Variants in MAK16 observed in about 807,000 individuals in gnomAD.
MAK16 encodes MAK16 homolog, also known as protein MAK16 homolog.
In MAK16, 12 loss-of-function variants were observed where a neutral mutation model predicts 49.9. That is an observed-to-expected ratio of 0.24 (90% CI 0.15 to 0.39). The LOEUF is 0.39. MAK16 is among the 10% of genes least tolerant of loss of function. The pLI, the probability that MAK16 is intolerant of heterozygous loss-of-function variation, is 1.00. For missense variants in MAK16, 292 were observed against 363.7 expected, an observed-to-expected ratio of 0.80 and a Z score of 1.60; for synonymous variants, 115 against 126.4, an observed-to-expected ratio of 0.91 and a Z score of 0.60.
At position 33,498,911 on chromosome 8, in the gene MAK16, G is replaced by A. The variant is rs953018557; in HGVS notation, c.*282G>A. ...GTTCTTGAATCTGGGATGAGATGACGGATGTAAATATTTCTAAATTTTAAA... is the reference window on the plus strand; with the variant it reads ...GTTCTTGAATCTGGGATGAGATGACAGATGTAAATATTTCTAAATTTTAAA... On this transcript the variant is annotated 3_prime_UTR_variant, in exon 10 of 10. Transcript: ENST00000360128. 8.0e-5 allele frequency: 46 copies of A among 574,328 alleles called. 1 individual carries two copies. In the South Asian group the frequency reaches 9.7e-4, roughly 12 times the overall value. 35.6% of individuals were successfully genotyped at this position (574,328 alleles called of 1,614,324 possible).
At chr8:33,485,273 C>T in intron 1 of MAK16, 52 bp downstream of exon 1, 1 of 1,613,350 alleles carries the variant, frequency 6.2e-7, no homozygotes. Flanking sequence ...GGGAATTTTG[C>T]CCATTTTCGG....
At chr8:33,497,168 C>A in intron 8 of MAK16, 64 bp from the exon 9 acceptor site, 1 of 1,193,040 alleles carries the variant, frequency 8.4e-7, no homozygotes, top group Non-Finnish European at 1.2e-6. Flanking sequence ...TTTGTACTTA[C>A]TTAGATGTCT....
chr8:33,488,741 C>T lies in MAK16; in HGVS notation c.183C>T (p.Cys61=). 6.2e-7 allele frequency: 1 copy of T among 1,614,130 alleles called. No individual in the cohort carries two copies. Among genetic ancestry groups the T allele is most frequent in the East Asian group, 2.2e-5 (1 of 44,888 alleles). ...YATIKEEKGQ[C]YLYMKVIERA... Reference sequence around the variant, plus strand: ...ATTTTACTTTATCTTCAGGACAGTGCTACTTGTATATGAAGGTTATAGAAC... The same window carrying T: ...ATTTTACTTTATCTTCAGGACAGTGTTACTTGTATATGAAGGTTATAGAAC... Residue 61 remains cysteine (C), a synonymous_variant, in exon 4 of 10, where the codon TGC becomes TGT. Transcript: ENST00000360128.
intron 1 of MAK16, among the ~76,000 whole-genome samples, chr8:33,487,379 A>G (rs796465725): frequency 1.5e-4 from 23 of 152,322 alleles, no homozygotes; most frequent in African/African-American, 5.3e-4. Flanking sequence ...TTTGCCCTCA[A>G]TGAGATAAAA....
At chr8:33,485,266 A>C (rs763414782) in intron 1 of MAK16, 45 bp downstream of exon 1, 3 of 1,613,820 alleles carry the variant, frequency 1.9e-6, no homozygotes, top group Non-Finnish European at 2.5e-6. Flanking sequence ...TTGCGCAGGG[A>C]ATTTTGCCCA....
intron 6 of MAK16, among the ~76,000 whole-genome samples, chr8:33,490,648 C>T (rs1945671064): frequency 6.6e-6 from 1 of 152,148 alleles, no homozygotes; most frequent in African/African-American, 2.4e-5. Context: ...TTACATACTA[C>T]ATAAAACCTT....
intron 6 of MAK16, among the ~76,000 whole-genome samples, chr8:33,492,565 T>C (rs1808794012): frequency 6.6e-6 from 1 of 152,218 alleles, no homozygotes; most frequent in Non-Finnish European, 1.5e-5. Flanking sequence ...TTTGGTTTGA[T>C]TTTTGTATAT....
At chr8:33,495,158 T>C (rs1563347395) in intron 6 of MAK16, among the ~76,000 whole-genome samples, 1 of 152,126 alleles carries the variant, frequency 6.6e-6, no homozygotes, top group Non-Finnish European at 1.5e-5. Context: ...TCTAGCATGA[T>C]TTTAGAAAAT....
At position 33,498,943 on chromosome 8, in the gene MAK16, A is replaced by G; in HGVS notation, c.*314A>G. 1 of 588,724 alleles carries G rather than the reference A, an allele frequency of 1.7e-6. No individual in the cohort carries two copies. The highest frequency in any genetic ancestry group is 3.1e-5 in the Admixed American group (1 of 32,702). The allele number at this position is 588,724 out of a possible 1,614,324, so 36.5% of individuals were successfully genotyped here. A position where few individuals can be genotyped will look rare whatever the true frequency, so the allele number is the denominator to read the frequency against. ...AATATTTCTAAATTTTAAATGCTACATTACTTGGTGTCCTTTTTTCTCCCA... is the reference window on the plus strand; with the variant it reads ...AATATTTCTAAATTTTAAATGCTACGTTACTTGGTGTCCTTTTTTCTCCCA... On this transcript the variant is annotated 3_prime_UTR_variant, in exon 10 of 10. Coordinates refer to ENST00000360128, the MANE Select transcript of MAK16 (RefSeq NM_032509.4).
Position 33,498,868 on chromosome 8 carries a change from G to A in MAK16, c.*239G>A, listed in dbSNP as rs1156710453. 3 of 582,630 alleles carry A rather than the reference G, an allele frequency of 5.1e-6. No homozygotes were observed. The highest frequency in any genetic ancestry group is 4.4e-5 in the South Asian group (2 of 45,644). 36.1% of individuals were successfully genotyped at this position (582,630 alleles called of 1,614,324 possible). A position where few individuals can be genotyped will look rare whatever the true frequency, so the allele number is the denominator to read the frequency against. On this transcript the variant is annotated 3_prime_UTR_variant, in exon 10 of 10. Transcript: ENST00000360128. ...TGTGTTGAAGTAACAGCTTGTGCCC[G>A]AGAAACTTAACAGATGAGTTCTTGA...
At chr8:33,491,499 GT>G (rs1808778237) in intron 6 of MAK16, among the ~76,000 whole-genome samples, 1 of 151,912 alleles carries the variant, frequency 6.6e-6, no homozygotes, top group Admixed American at 6.6e-5. Flanking sequence ...ATATTTCATT[GT>G]TTTGATTTGC....
rs1188075071 is a variant in MAK16 at position 33,489,127 on chromosome 8, C to A, written c.380C>A (p.Thr127Lys). ...TQYLIRIRKL[T>K]LKRQRKLVPL... is the part of the protein sequence containing the mutation. ...TACCTAATTCGAATTAGAAAACTTA[C>A]ACTAAAGCGACAGTAAGTATTTGGA... Residue 127 changes from threonine (T) to lysine (K), a missense_variant, in exon 5 of 10, where the codon ACA becomes AAA. By Grantham distance (78) the Thr-to-Lys change is moderately conservative. Transcript: ENST00000360128. The surrounding 1 kb of genome is among the most constrained non-coding windows in gnomAD (Gnocchi z 4.2). 1.2e-6 allele frequency: 2 copies of A among 1,612,514 alleles called. No individual in the cohort carries two copies. Among genetic ancestry groups the A allele is most frequent in the Non-Finnish European group, 1.7e-6 (2 of 1,178,926 alleles).
In MAK16 at chr8:33,485,470, C is replaced by A. The variant is rs1467127248; in HGVS notation, c.15+249C>A. The A allele has an allele frequency of 3.6e-5, 21 of 578,168 alleles. No individual in the cohort carries two copies. The Admixed American group carries it at 6.0e-4, about 17-fold the overall frequency. 35.8% of individuals were successfully genotyped at this position (578,168 alleles called of 1,614,324 possible). A position where few individuals can be genotyped will look rare whatever the true frequency, so the allele number is the denominator to read the frequency against. On this transcript the variant is annotated intron_variant, in intron 1 of 9. Transcript: ENST00000360128. ...AGCCCATGGGGTCGATGTGTCCCGT[C>A]CTTCGTGCCTACCAATGCAGGACGT...
In MAK16 at chr8:33,487,248, T is replaced by C. The variant is rs541315660; in HGVS notation, c.16-1130T>C. On this transcript the variant is annotated intron_variant, in intron 1 of 9. Transcript: ENST00000360128. ...AGTATACTTTCTTTCATTCAGCAAA[T>C]ACTTAAGTGGCTACTGTGTGTCAGG... Among the ~76,000 whole-genome samples, 7 of 152,306 alleles carry C rather than the reference T, an allele frequency of 4.6e-5. 1 individual carries two copies. The South Asian group carries it at 1.4e-3, about 32-fold the overall frequency.
chr8:33,496,661 G>T lies in MAK16; in HGVS notation c.559G>T (p.Asp187Tyr), dbSNP rs752937894. Reference protein sequence around the residue: ...DIYNFPIHAFDKALEQQEAES... With the variant: ...DIYNFPIHAFYKALEQQEAES... ...CTACAACTTCCCCATTCATGCCTTC[G>T]ACAAAGCCCTGGAACAACAGGAGGC... is the stretch of plus-strand genomic sequence containing the variant. The change falls in exon 8 of 10, where the codon GAC becomes TAC. Residue 187 changes from aspartate to tyrosine, a missense_variant. Coordinates refer to ENST00000360128, the MANE Select transcript of MAK16 (RefSeq NM_032509.4). The T allele has an allele frequency of 6.2e-7, 1 of 1,612,954 alleles. No homozygotes were observed. Among genetic ancestry groups the T allele is most frequent in the South Asian group, 1.1e-5 (1 of 90,950 alleles).
In MAK16 at chr8:33,498,421, C is replaced by T. The variant is rs1442972279; in HGVS notation, c.706-11C>T. On this transcript the variant is annotated splice_polypyrimidine_tract_variant and intron_variant, in intron 9 of 9. Transcript: ENST00000360128. ...TTCCCTCTTCCTTTATCTTTTCTCT[C>T]CCCGTAATAGGATATGGATAAACTG... The T allele has an allele frequency of 1.2e-6, 2 of 1,612,126 alleles. No individual in the cohort carries two copies. Among genetic ancestry groups the T allele is most frequent in the Non-Finnish European group, 1.7e-6 (2 of 1,179,180 alleles).
At chr8:33,486,533 C>G (rs1259066796) in intron 1 of MAK16, among the ~76,000 whole-genome samples, 1 of 152,210 alleles carries the variant, frequency 6.6e-6, no homozygotes. Context: ...GCCTGGGTGA[C>G]AGAGAGACCC....
chr8:33,487,228 A>C (rs981524781), intron 1 of MAK16, among the ~76,000 whole-genome samples: 1 of 152,204 alleles, frequency 6.6e-6, no homozygotes, highest in African/African-American at 2.4e-5. Context: ...TAAAGAGTAT[A>C]CTTTCTTTCA....
rs777162600 is a variant in MAK16, at chr8:33,488,604, G to T, written c.150G>T (p.Gln50His). The change falls in exon 3 of 10, where the codon CAG becomes CAT. Residue 50 changes from glutamine to histidine, a missense_variant. By Grantham distance (24) the Gln-to-His change is conservative (BLOSUM62 0). Transcript: ENST00000360128. ...CATCCTGTCCCCTGGCAAATAGTCAGTATGCCACTATTAAAGAAGAGAAAG... is the reference window on the plus strand; with the variant it reads ...CATCCTGTCCCCTGGCAAATAGTCATTATGCCACTATTAAAGAAGAGAAAG... ...NRSSCPLANSQYATIKEEKGQ... is the reference protein window; with the variant it reads ...NRSSCPLANSHYATIKEEKGQ... 6.2e-7 allele frequency: 1 copy of T among 1,614,082 alleles called. No homozygotes were observed. The highest frequency in any genetic ancestry group is 8.5e-7 in the Non-Finnish European group (1 of 1,179,964).
Sources: allele counts gnomAD v4.1 joint callset (sites outside exome capture counted in the v4.1 genomes callset), GRCh38; gene constraint gnomAD v4.1.1; non-coding constraint Gnocchi (gnomAD v3.1); transcripts MANE v1.5; gene names NCBI Gene and HGNC (gene_info 2026-07-23, HGNC 2026-07-21).